NCAPG2: variants seen among roughly 807,000 people sequenced by gnomAD.
NCAPG2 encodes the protein non-SMC condensin II complex subunit G2.
NCAPG2 carries 53 observed loss-of-function variants against 141.1 expected under a neutral mutation model. That is an observed-to-expected ratio of 0.38 (90% CI 0.30 to 0.47). The LOEUF (loss-of-function observed/expected upper bound fraction) is 0.47. Ranked by LOEUF, NCAPG2 falls within the 20% of genes least tolerant of loss-of-function variation. NCAPG2 has a pLI of 0.99. For missense variants in NCAPG2, 1,087 were observed against 1,389.0 expected (o/e 0.78, Z 3.46); for synonymous variants, 499 against 490.7 (o/e 1.02, Z -0.22).
At chr7:158,659,025 TAAAAA>T (rs55893307) in intron 16 of NCAPG2, among the ~76,000 whole-genome samples, 2 of 97,738 alleles carry the variant, frequency 2.0e-5, no homozygotes, top group African/African-American at 8.1e-5. Context: ...GCATTATATT[TAAAAA>T]AAAAAAAAAA....
chr7:158,654,860 TG>T, intron 21 of NCAPG2, 166 bp from the exon 22 acceptor site: 5 of 1,317,660 alleles, frequency 3.8e-6, no homozygotes, highest in East Asian at 2.6e-5. Context: ...TTCTTGTTTT[TG>T]TAAGAAATCT....
intron 11 of NCAPG2, among the ~76,000 whole-genome samples, chr7:158,677,554 AAG>A: frequency 6.7e-6 from 1 of 148,312 alleles, no homozygotes; most frequent in African/African-American, 2.5e-5. Flanking sequence ...AAAAACAGAA[AAG>A]AACTTTAGGA....
chr7:158,647,090 A>G (rs1410391183), intron 24 of NCAPG2, among the ~76,000 whole-genome samples: 1 of 152,182 alleles, frequency 6.6e-6, no homozygotes, highest in East Asian at 1.9e-4. Flanking sequence ...ATAAAGAAAA[A>G]CAGACATATT....
chr7:158,685,288 T>C (rs1834688025), intron 8 of NCAPG2, among the ~76,000 whole-genome samples: 1 of 152,118 alleles, frequency 6.6e-6, no homozygotes, highest in South Asian at 2.1e-4. Context: ...TCAAAAATAA[T>C]GTAACTAAAA....
At position 158,691,976 on chromosome 7, in the gene NCAPG2, A is replaced by T. The variant is rs768268655; in HGVS notation, c.382+866T>A. On this transcript the variant is annotated intron_variant, in intron 4 of 27. Coordinates refer to ENST00000356309, the MANE Select transcript of NCAPG2 (RefSeq NM_017760.7). ...AGCAGTTAGTTGCTGAGTACTGCCC[A>T]TCTCACCATCTATAACATCTGAATG... Among the ~76,000 whole-genome samples the T allele has an allele frequency of 5.3e-5, 8 of 152,356 alleles. 1 individual carries two copies. Among genetic ancestry groups the T allele is most frequent in the Non-Finnish European group, 7.3e-5 (5 of 68,030 alleles).
chr7:158,667,519 C>CCCG lies in NCAPG2; in HGVS notation c.1480-2770_1480-2769insCGG, dbSNP rs1563539522. On this transcript the variant is annotated intron_variant, in intron 13 of 27. Transcript: ENST00000356309. The stretch of plus-strand genomic sequence containing the variant: ...CCTTACCCACTACTGGGTCCCTCCG[C>CCCG]CCTCCTTACCTACCCTGTGGCCCTC... Among the ~76,000 whole-genome samples, 201 of 77,792 alleles carry CCCG rather than the reference C, an allele frequency of 2.6e-3. 2 individuals are homozygous for CCCG. Among genetic ancestry groups the CCCG allele is most frequent in the Admixed American group, 3.6e-3 (26 of 7,320 alleles). 51.0% of individuals were successfully genotyped at this position (77,792 alleles called of 152,430 possible).
chr7:158,644,467 C>A, intron 26 of NCAPG2, 79 bp from the exon 27 acceptor site: 1 of 1,258,510 alleles, frequency 7.9e-7, no homozygotes, highest in East Asian at 2.3e-5. Flanking sequence ...ACATGTGGTA[C>A]AACTTCCCTA....
At chr7:158,657,381 C>T (rs940937849) in intron 17 of NCAPG2, among the ~76,000 whole-genome samples, 2 of 152,246 alleles carry the variant, frequency 1.3e-5, no homozygotes, top group Non-Finnish European at 2.9e-5. Context: ...ATGTGACCAA[C>T]GGTGACCTTG....
chr7:158,695,380 T>C (rs1189873875), intron 2 of NCAPG2, among the ~76,000 whole-genome samples: 2 of 152,214 alleles, frequency 1.3e-5, no homozygotes, highest in Non-Finnish European at 2.9e-5. Flanking sequence ...TGCTGAAGGA[T>C]ATAGCCTGAA....
At chr7:158,686,087 ATCTTAAATAACCCT>A in intron 8 of NCAPG2, 71 bp downstream of exon 8, 1 of 806,242 alleles carries the variant, frequency 1.2e-6, no homozygotes, top group South Asian at 1.8e-5. Context: ...ATAAACATGG[ATCTTAAATAACCCT>A]TCTTTGACTA....
chr7:158,644,436 C>G, intron 26 of NCAPG2, 48 bp from the exon 27 acceptor site: 2 of 1,461,184 alleles, frequency 1.4e-6, no homozygotes, highest in Non-Finnish European at 1.9e-6. Flanking sequence ...CATCACTACA[C>G]AAAGACAAAC....
chr7:158,646,581 C>G lies in NCAPG2; in HGVS notation c.3076-18G>C. Reference sequence around the variant, plus strand: ...TCAGAAACCTAAAAAAGTTCCAAATCAGCAAGTTGTAAACAGAGACTAGGC... The same window carrying G: ...TCAGAAACCTAAAAAAGTTCCAAATGAGCAAGTTGTAAACAGAGACTAGGC... On this transcript the variant is annotated intron_variant, in intron 24 of 27. Transcript: ENST00000356309. 6.5e-7 allele frequency: 1 copy of G among 1,534,666 alleles called. No homozygotes were observed. Among genetic ancestry groups the G allele is most frequent in the Non-Finnish European group, 8.8e-7 (1 of 1,137,982 alleles).
chr7:158,690,224 G>A (rs1835034405), intron 5 of NCAPG2, among the ~76,000 whole-genome samples: 1 of 152,142 alleles, frequency 6.6e-6, no homozygotes, highest in African/African-American at 2.4e-5. Context: ...GAACTGTCTA[G>A]TGCAGTAGAC....
At chr7:158,632,822 C>T (rs930505687) in intron 27 of NCAPG2, among the ~76,000 whole-genome samples, 4 of 152,138 alleles carry the variant, frequency 2.6e-5, no homozygotes, top group Admixed American at 1.3e-4. Flanking sequence ...TTTAACCCAA[C>T]ATATCCAAAA....
intron 2 of NCAPG2, among the ~76,000 whole-genome samples, chr7:158,701,210 T>C (rs1449492050): frequency 6.6e-6 from 1 of 152,202 alleles, no homozygotes; most frequent in African/African-American, 2.4e-5. Flanking sequence ...ACCAAGCAGC[T>C]TCCCATTTCC....
chr7:158,644,532 T>C (rs1014889132), intron 26 of NCAPG2, 144 bp from the exon 27 acceptor site: 1 of 656,188 alleles, frequency 1.5e-6, no homozygotes, highest in Non-Finnish European at 2.7e-6. Flanking sequence ...ACCCGCGGAA[T>C]AGTAATTCTC....
intron 1 of NCAPG2, 135 bp from the exon 2 acceptor site, chr7:158,702,073 G>T: frequency 1.8e-6 from 1 of 546,372 alleles, no homozygotes; most frequent in Non-Finnish European, 3.2e-6. Flanking sequence ...AAAACATTCT[G>T]ACATAAAACA....
At chr7:158,697,476 C>A (rs1381172174) in intron 2 of NCAPG2, among the ~76,000 whole-genome samples, 1 of 151,994 alleles carries the variant, frequency 6.6e-6, no homozygotes, top group African/African-American at 2.4e-5. Flanking sequence ...TGGCGTGTGC[C>A]TGTAATCTCA....
chr7:158,673,836 G>A (rs928043616), intron 12 of NCAPG2, among the ~76,000 whole-genome samples: 3 of 152,188 alleles, frequency 2.0e-5, no homozygotes, highest in Non-Finnish European at 2.9e-5. Context: ...AAGACCAGGA[G>A]GAAGAAGAGG....
Sources: allele counts gnomAD v4.1 joint callset (sites outside exome capture counted in the v4.1 genomes callset), GRCh38; gene constraint gnomAD v4.1.1; transcripts MANE v1.5; gene names NCBI Gene and HGNC (gene_info 2026-07-23, HGNC 2026-07-21).